RIMS4: variants seen among roughly 807,000 people sequenced by gnomAD.
The protein encoded by RIMS4 is regulating synaptic membrane exocytosis protein 4.
Under a neutral mutation model 29.0 loss-of-function variants are expected in RIMS4, and 9 were observed. That is an observed-to-expected ratio of 0.31 (90% confidence interval 0.19 to 0.54). The LOEUF (loss-of-function observed/expected upper bound fraction) is 0.54, where lower values mean the gene tolerates loss of function less well. RIMS4 is among the 20% of genes least tolerant of loss of function. The pLI is 0.94. For synonymous variants in RIMS4, 130 were observed against 152.9 expected, an observed-to-expected ratio of 0.85 and a Z score of 1.10; for missense variants, 193 against 365.7, an observed-to-expected ratio of 0.53 and a Z score of 3.85.
rs145585448 is a variant in RIMS4, at chr20:44,770,790, T to C, written c.236+485A>G. ...TACATTTTTCAAAACCAACGGGATT[T>C]AGGAAACTAAAAAAGTAAAGAGGAA... is the stretch of plus-strand genomic sequence containing the variant. On this transcript the variant is annotated intron_variant, in intron 2 of 5. Transcript: ENST00000372851. 5.9e-4 allele frequency among the ~76,000 whole-genome samples: 90 copies of C among 152,320 alleles called. 2 individuals are homozygous for C. The East Asian group carries it at 0.014, about 23-fold the overall frequency.
At chr20:44,771,464 G>T (rs749683541) in intron 1 of RIMS4, 51 bp from the exon 2 acceptor site, 4 of 1,574,306 alleles carry the variant, frequency 2.5e-6, no homozygotes, top group Middle Eastern at 1.7e-4. Context: ...CAGGTGGGAG[G>T]GGGACAGAGA....
At chr20:44,766,723 G>A (rs191466176) in intron 2 of RIMS4, among the ~76,000 whole-genome samples, 1 of 152,280 alleles carries the variant, frequency 6.6e-6, no homozygotes, top group Non-Finnish European at 1.5e-5. Flanking sequence ...GGGCAGCTGG[G>A]GAGATGGTAG....
At chr20:44,764,219 C>CATTT (rs2066103399) in intron 2 of RIMS4, among the ~76,000 whole-genome samples, 2 of 151,778 alleles carry the variant, frequency 1.3e-5, no homozygotes, top group African/African-American at 4.9e-5. Flanking sequence ...TCCACCCATC[C>CATTT]ATCCATCCGT....
chr20:44,799,558 T>G (rs2066269012), intron 1 of RIMS4, among the ~76,000 whole-genome samples: 1 of 152,170 alleles, frequency 6.6e-6, no homozygotes, highest in South Asian at 2.1e-4. Flanking sequence ...GCTGAGGAAC[T>G]AATTAATTTT....
chr20:44,766,575 C>T (rs1283230371), intron 2 of RIMS4, among the ~76,000 whole-genome samples: 1 of 151,924 alleles, frequency 6.6e-6, no homozygotes, highest in Non-Finnish European at 1.5e-5. Context: ...ATGGCCTTGA[C>T]CAGGAGATGG....
At chr20:44,807,539 G>A (rs780799617) in intron 1 of RIMS4, among the ~76,000 whole-genome samples, 4 of 152,146 alleles carry the variant, frequency 2.6e-5, no homozygotes, top group Non-Finnish European at 4.4e-5. Context: ...CTTCTGAGAC[G>A]GAGCCAGCAG....
intron 1 of RIMS4, among the ~76,000 whole-genome samples, chr20:44,793,641 G>A (rs982988251): frequency 3.3e-5 from 5 of 152,192 alleles, no homozygotes; most frequent in Admixed American, 6.5e-5. Flanking sequence ...GGGTCCCCAC[G>A]TCTAGAACAG....
rs571393803 is a variant in RIMS4 at position 44,755,258 on chromosome 20, C to G, written c.*876G>C. On this transcript the variant is annotated 3_prime_UTR_variant, in exon 6 of 6. Transcript: ENST00000372851. Reference sequence around the variant, plus strand: ...TTGAGAAACCCTTATCTTGGCACCACCAGTCCCAATCCCAACTTTCCTTAG... The same window carrying G: ...TTGAGAAACCCTTATCTTGGCACCAGCAGTCCCAATCCCAACTTTCCTTAG... The G allele has an allele frequency of 2.3e-4, 35 of 152,522 alleles. No individual in the cohort carries two copies. The highest frequency in any genetic ancestry group is 7.5e-4 in the African/African-American group (31 of 41,560). The allele number at this position is 152,522 out of a possible 1,614,324, so 9.4% of individuals were successfully genotyped here.
intron 1 of RIMS4, among the ~76,000 whole-genome samples, chr20:44,771,841 G>T (rs1033452093): frequency 6.6e-6 from 1 of 152,040 alleles, no homozygotes; most frequent in Non-Finnish European, 1.5e-5. Context: ...GCTGCCCTGG[G>T]CATCACAGAA....
intron 1 of RIMS4, among the ~76,000 whole-genome samples, chr20:44,775,743 C>A (rs940554658): frequency 1.3e-5 from 2 of 152,178 alleles, no homozygotes; most frequent in African/African-American, 4.8e-5. Flanking sequence ...TTTGGGGACA[C>A]CTGACCTAAG....
intron 2 of RIMS4, among the ~76,000 whole-genome samples, chr20:44,759,907 T>G (rs1400937382): frequency 6.6e-6 from 1 of 152,230 alleles, no homozygotes; most frequent in African/African-American, 2.4e-5. Context: ...TCAGCCTGAG[T>G]GCTTTCCCTT....
At chr20:44,774,393 C>A (rs1468157090) in intron 1 of RIMS4, among the ~76,000 whole-genome samples, 1 of 152,146 alleles carries the variant, frequency 6.6e-6, no homozygotes. Flanking sequence ...GGCAGACCCA[C>A]CCTCAATCTG....
intron 1 of RIMS4, among the ~76,000 whole-genome samples, chr20:44,808,034 G>A (rs1369061277): frequency 6.6e-6 from 1 of 151,934 alleles, no homozygotes; most frequent in Non-Finnish European, 1.5e-5. Context: ...TTTAGTCTCA[G>A]CTCTGTGGCT....
rs1213138826 is a variant in RIMS4 at position 44,756,572 on chromosome 20, G to A, written c.592-220C>T. On this transcript the variant is annotated intron_variant, in intron 5 of 5. Coordinates refer to ENST00000372851, the MANE Select transcript of RIMS4 (RefSeq NM_182970.4). This position sits in a 1 kb window ranked among gnomAD's most constrained non-coding sequence, Gnocchi z 5.9. ...TAATGGTGACGGTGACGATGGTAATGGGTAGAACACTTGCTGTAGGCAAAA... is the reference window on the plus strand; with the variant it reads ...TAATGGTGACGGTGACGATGGTAATAGGTAGAACACTTGCTGTAGGCAAAA... 1.3e-5 allele frequency among the ~76,000 whole-genome samples: 2 copies of A among 152,196 alleles called. No homozygotes were observed. Among genetic ancestry groups the A allele is most frequent in the Admixed American group, 6.5e-5 (1 of 15,284 alleles).
intron 2 of RIMS4, among the ~76,000 whole-genome samples, chr20:44,761,709 A>G (rs1473166139): frequency 6.6e-6 from 1 of 152,166 alleles, no homozygotes; most frequent in Non-Finnish European, 1.5e-5. Context: ...CTGCCAAATA[A>G]CCAGTTTCCA....
At chr20:44,775,962 A>C (rs560332296) in intron 1 of RIMS4, among the ~76,000 whole-genome samples, 1 of 152,334 alleles carries the variant, frequency 6.6e-6, no homozygotes, top group East Asian at 1.9e-4. Context: ...AATAAATCAC[A>C]GCTTCAGTCA....
Position 44,756,147 on chromosome 20 carries a change from C to T in RIMS4, c.797G>A (p.Gly266Glu). The change falls in exon 6 of 6, where the codon GGA (glycine) becomes GAA (glutamate). Residue 266 changes from glycine (G) to glutamate (E), a missense_variant. Gly to Glu is a moderately conservative substitution (Grantham distance 98). Coordinates refer to ENST00000372851, the MANE Select transcript of RIMS4 (RefSeq NM_182970.4). This position sits in a 1 kb window ranked among gnomAD's most constrained non-coding sequence, Gnocchi z 5.9. ...LSLESTVGPCGERS is the reference protein window; with the variant it reads ...LSLESTVGPCEERS Reference sequence around the variant, plus strand: ...CCCATTCCAGCACTAAGATCGTTCTCCGCAGGGCCCCACGGTGCTCTCGAG... The same window carrying T: ...CCCATTCCAGCACTAAGATCGTTCTTCGCAGGGCCCCACGGTGCTCTCGAG... The T allele has an allele frequency of 1.2e-6, 2 of 1,607,798 alleles. No homozygotes were observed. Among genetic ancestry groups the T allele is most frequent in the Non-Finnish European group, 1.7e-6 (2 of 1,176,654 alleles).
chr20:44,784,293 G>A (rs2066198294), intron 1 of RIMS4, among the ~76,000 whole-genome samples: 1 of 152,190 alleles, frequency 6.6e-6, no homozygotes, highest in African/African-American at 2.4e-5. Context: ...TTGGAAATGA[G>A]GGAATTCCTT....
intron 1 of RIMS4, among the ~76,000 whole-genome samples, chr20:44,804,604 G>A (rs148583939): frequency 8.9e-4 from 136 of 152,324 alleles, no homozygotes; most frequent in Middle Eastern, 3.4e-3. Flanking sequence ...AGGGTCGGCT[G>A]AGGGTGAAGG....
Sources: allele counts gnomAD v4.1 joint callset (sites outside exome capture counted in the v4.1 genomes callset), GRCh38; gene constraint gnomAD v4.1.1; non-coding constraint Gnocchi (gnomAD v3.1); transcripts MANE v1.5; gene names NCBI Gene and HGNC (gene_info 2026-07-23, HGNC 2026-07-21).